The following DNM1 variants were observed in gnomAD, a reference collection of about 807,000 sequenced individuals.
DNM1 encodes dynamin-1.
A neutral mutation model predicts 104.6 loss-of-function variants in DNM1; 29 were observed. That is an observed-to-expected ratio of 0.28 (90% CI 0.21 to 0.38). The LOEUF is 0.38. Ranked by LOEUF, DNM1 falls within the 10% of genes least tolerant of loss-of-function variation. The pLI is 1.00. For missense variants in DNM1, 640 were observed against 1,189.4 expected, an observed-to-expected ratio of 0.54 and a Z score of 6.79; for synonymous variants, 445 against 475.8, an observed-to-expected ratio of 0.94 and a Z score of 0.84.
At position 128,218,916 on chromosome 9, in the gene DNM1, C is replaced by T; in HGVS notation, c.386-133C>T. 1 of 1,287,950 alleles carries T rather than the reference C, an allele frequency of 7.8e-7. No individual in the cohort carries two copies. The highest frequency in any genetic ancestry group is 2.2e-5 in the Admixed American group (1 of 46,002). 79.8% of individuals were successfully genotyped at this position (1,287,950 alleles called of 1,614,324 possible). A position where few individuals can be genotyped will look rare whatever the true frequency, so the allele number is the denominator to read the frequency against. On this transcript the variant is annotated intron_variant, in intron 3 of 21. Coordinates refer to ENST00000372923, the MANE Select transcript of DNM1 (RefSeq NM_004408.4). This position sits in a 1 kb window ranked among gnomAD's most constrained non-coding sequence, Gnocchi z 4.8. The stretch of plus-strand genomic sequence containing the variant: ...CACGCCTCCAACAGACTGCCACTTT[C>T]GCCCTGAGATTTCCTAGTCCCACCC...
In DNM1 at chr9:128,222,311, C is replaced by G; in HGVS notation, c.964C>G (p.Pro322Ala). Residue 322 changes from proline (P) to alanine (A), a missense_variant, in exon 7 of 22, where the codon CCA (proline) becomes GCA (alanine). This residue lies in a region of DNM1 where 81 missense variants were observed against 99.8 expected (regional missense o/e 0.81). Coordinates refer to ENST00000372923, the MANE Select transcript of DNM1 (RefSeq NM_004408.4). The surrounding 1 kb of genome is among the most constrained non-coding windows in gnomAD (Gnocchi z 7.8). ...EEYKNFRPDD[P>A]ARKTKALLQM... is the part of the protein sequence containing the mutation. The stretch of plus-strand genomic sequence containing the variant: ...ATACAAGAACTTCCGCCCTGATGAC[C>G]CAGCTCGCAAGACCAAGGCCCTGCT... 2 of 1,613,882 alleles carry G rather than the reference C, an allele frequency of 1.2e-6. No individual in the cohort carries two copies. The highest frequency in any genetic ancestry group is 1.7e-6 in the Non-Finnish European group (2 of 1,179,836).
chr9:128,234,147 C>T (rs1379582126), intron 11 of DNM1, 40 bp downstream of exon 11: 1 of 1,474,934 alleles, frequency 6.8e-7, no homozygotes, highest in African/African-American at 1.4e-5. Flanking sequence ...GCCTTCCTTC[C>T]ACTCCTGGCC....
Position 128,253,328 on chromosome 9 carries a change from G to T in DNM1, c.2535-1326G>T. On this transcript the variant is annotated intron_variant, in intron 21 of 21. Transcript: ENST00000372923. This position sits in a 1 kb window ranked among gnomAD's most constrained non-coding sequence, Gnocchi z 5.9. ...TCACCTCCCTTCCCTGCGAGCCTCG[G>T]GACTCAGTGCCACTGCCCAAGGCCT... 1.6e-6 allele frequency: 1 copy of T among 613,750 alleles called. No homozygotes were observed. The highest frequency in any genetic ancestry group is 2.9e-6 in the Non-Finnish European group (1 of 345,566). The allele number at this position is 613,750 out of a possible 1,614,324, so 38.0% of individuals were successfully genotyped here. A position where few individuals can be genotyped will look rare whatever the true frequency, so the allele number is the denominator to read the frequency against.
At chr9:128,252,221 T>C (rs1284962753) in intron 21 of DNM1, 3 of 252,882 alleles carry the variant, frequency 1.2e-5, no homozygotes, top group Non-Finnish European at 2.3e-5. Context: ...AGGAGCACTT[T>C]GCTAACTGCC....
chr9:128,239,658 C>G, intron 12 of DNM1, 70 bp from the exon 13 acceptor site: 2 of 1,503,596 alleles, frequency 1.3e-6, no homozygotes, highest in Non-Finnish European at 1.8e-6. Context: ...GGTCCTGTGC[C>G]CACTAAGCAG....
rs1834746992 is a variant in DNM1 at position 128,218,492 on chromosome 9, G to A, written c.236-90G>A. ...GTGGTTCTGCTTGGGTGTGTCTAGGGGGTTCTATTACCGGTGGGAGATGAA... is the reference window on the plus strand; with the variant it reads ...GTGGTTCTGCTTGGGTGTGTCTAGGAGGTTCTATTACCGGTGGGAGATGAA... On this transcript the variant is annotated intron_variant, in intron 2 of 21. Coordinates refer to ENST00000372923, the MANE Select transcript of DNM1 (RefSeq NM_004408.4). The surrounding 1 kb of genome is among the most constrained non-coding windows in gnomAD (Gnocchi z 4.8). 3.3e-6 allele frequency: 5 copies of A among 1,495,078 alleles called. No homozygotes were observed. The South Asian group carries it at 6.1e-5, about 18-fold the overall frequency. 92.6% of individuals were successfully genotyped at this position (1,495,078 alleles called of 1,614,324 possible).
chr9:128,235,872 G>A (rs900146975), intron 11 of DNM1, among the ~76,000 whole-genome samples: 3 of 152,038 alleles, frequency 2.0e-5, no homozygotes, highest in Middle Eastern at 3.2e-3. Flanking sequence ...ATGCCACTAC[G>A]CCTGGCTAAT....
rs1131692001 is a variant in DNM1, at chr9:128,250,861, C to A, written c.2455C>A (p.Pro819Thr). 7.6e-7 allele frequency: 1 copy of A among 1,312,160 alleles called. No homozygotes were observed. Among genetic ancestry groups the A allele is most frequent in the Non-Finnish European group, 9.6e-7 (1 of 1,037,150 alleles). The allele number at this position is 1,312,160 out of a possible 1,614,324, so 81.3% of individuals were successfully genotyped here. ...GGGGGCGCCCCCCGTGCCCTCCAGG[C>A]CGGGGGCTTCCCCTGACCCTTTCGG... The part of the protein sequence containing the change: ...LGGAPPVPSR[P>T]GASPDPFGPP... Residue 819 changes from proline (P) to threonine (T), a missense_variant, in exon 21 of 22, where the codon CCG (proline) becomes ACG (threonine). Around this residue, in one of 7 missense-constraint regions of DNM1, gnomAD observed 129 missense variants for 224.6 expected, o/e 0.57. Coordinates refer to ENST00000372923, the MANE Select transcript of DNM1 (RefSeq NM_004408.4).
intron 1 of DNM1, among the ~76,000 whole-genome samples, chr9:128,211,364 T>C (rs1834283714): frequency 6.6e-6 from 1 of 151,866 alleles, no homozygotes; most frequent in Non-Finnish European, 1.5e-5. Flanking sequence ...AGCCGCTCCC[T>C]CCTGGTCTAC....
chr9:128,230,654 G>A (rs928716964), intron 10 of DNM1, among the ~76,000 whole-genome samples: 3 of 151,848 alleles, frequency 2.0e-5, no homozygotes, highest in African/African-American at 4.8e-5. Flanking sequence ...GTTTTACCAT[G>A]TTGGCCACGC....
intron 14 of DNM1, among the ~76,000 whole-genome samples, chr9:128,241,419 T>C (rs1836355932): frequency 6.6e-6 from 1 of 152,226 alleles, no homozygotes; most frequent in South Asian, 2.1e-4. Flanking sequence ...CCTTAGCTTG[T>C]TACTCTAGGC....
intron 9 of DNM1, 148 bp downstream of exon 9, chr9:128,223,008 C>A (rs1169724469): frequency 1.9e-5 from 15 of 772,606 alleles, no homozygotes; most frequent in Non-Finnish European, 2.1e-5. Flanking sequence ...TGGCTCCCTG[C>A]ATGACAGGCT....
chr9:128,217,503 G>A (rs1170541033), intron 1 of DNM1, among the ~76,000 whole-genome samples: 4 of 152,042 alleles, frequency 2.6e-5, no homozygotes, highest in Admixed American at 6.6e-5. Context: ...CGTAACCTCC[G>A]CCTCCCGGGT....
chr9:128,225,622 T>G (rs2131187574), intron 10 of DNM1, among the ~76,000 whole-genome samples: 1 of 152,204 alleles, frequency 6.6e-6, no homozygotes, highest in South Asian at 2.1e-4. Flanking sequence ...CTGGGTCAGC[T>G]CCTTAGGAGA....
chr9:128,220,410 GA>G lies in DNM1; in HGVS notation c.849+70del. 1 of 1,576,666 alleles carries G rather than the reference GA, an allele frequency of 6.3e-7. No homozygotes were observed. Among genetic ancestry groups the G allele is most frequent in the East Asian group, 2.2e-5 (1 of 44,478 alleles). On this transcript the variant is annotated intron_variant, in intron 6 of 21. Coordinates refer to ENST00000372923, the MANE Select transcript of DNM1 (RefSeq NM_004408.4). This position sits in a 1 kb window ranked among gnomAD's most constrained non-coding sequence, Gnocchi z 5.2. ...AAACAGGATAAATTAAGTGTGTTCTGAGAGTGAACAGCAGAGGTTAGCCTCT... is the reference window on the plus strand; with the variant it reads ...AAACAGGATAAATTAAGTGTGTTCTGGAGTGAACAGCAGAGGTTAGCCTCT...
At chr9:128,252,380 A>G in intron 21 of DNM1, 1 of 386,914 alleles carries the variant, frequency 2.6e-6, no homozygotes, top group Non-Finnish European at 5.0e-6. Context: ...CTTGGGGAAA[A>G]GAGCAGTCTG....
chr9:128,212,255 C>A (rs561970447), intron 1 of DNM1, among the ~76,000 whole-genome samples: 3 of 152,300 alleles, frequency 2.0e-5, no homozygotes, highest in East Asian at 1.9e-4. Context: ...AGGTTCAGAA[C>A]AAGGAAATAA....
At chr9:128,211,055 C>A (rs1834260260) in intron 1 of DNM1, among the ~76,000 whole-genome samples, 1 of 152,248 alleles carries the variant, frequency 6.6e-6, no homozygotes, top group Non-Finnish European at 1.5e-5. Context: ...GGCCAGAGGC[C>A]CCAAGATCAA....
intron 15 of DNM1, among the ~76,000 whole-genome samples, chr9:128,242,859 G>C (rs1351945683): frequency 1.3e-5 from 2 of 151,052 alleles, no homozygotes; most frequent in Non-Finnish European, 3.0e-5. Context: ...GTTGGAAGGA[G>C]AAGGTAGCTT....
Sources: allele counts gnomAD v4.1 joint callset (sites outside exome capture counted in the v4.1 genomes callset), GRCh38; gene constraint gnomAD v4.1.1; regional missense constraint gnomAD v4.1.1; non-coding constraint Gnocchi (gnomAD v3.1); transcripts MANE v1.5; gene names NCBI Gene and HGNC (gene_info 2026-07-23, HGNC 2026-07-21).